The following MACROD2 variants were observed in gnomAD, a reference collection of about 807,000 sequenced individuals.
The protein encoded by MACROD2 is ADP-ribose glycohydrolase MACROD2.
MACROD2 carries 36 observed loss-of-function variants against 70.4 expected under a neutral mutation model. The ratio of observed to expected loss-of-function variants is 0.51; its 90% CI spans 0.39 to 0.68. MACROD2 has a LOEUF of 0.68. Ranked by LOEUF, MACROD2 falls within the 30% of genes least tolerant of loss-of-function variation. The pLI, the probability that MACROD2 is intolerant of heterozygous loss-of-function variation, is 0.00. For missense variants in MACROD2, 496 were observed against 538.4 expected (o/e 0.92, Z 0.78); for synonymous variants, 172 against 178.8 (o/e 0.96, Z 0.30).
chr20:14,932,849 A>G (rs2074308156), intron 5 of MACROD2, among the ~76,000 whole-genome samples: 1 of 152,138 alleles, frequency 6.6e-6, no homozygotes, highest in East Asian at 1.9e-4. Flanking sequence ...TACAGGGATG[A>G]ACCACGGCGC....
At chr20:14,964,092 T>C (rs1016178731) in intron 5 of MACROD2, among the ~76,000 whole-genome samples, 1 of 152,090 alleles carries the variant, frequency 6.6e-6, no homozygotes, top group African/African-American at 2.4e-5. Flanking sequence ...TTTTTTCTTC[T>C]CTGTATAACA....
chr20:15,867,413 G>C (rs1276012413), intron 9 of MACROD2, among the ~76,000 whole-genome samples: 1 of 152,114 alleles, frequency 6.6e-6, no homozygotes, highest in Non-Finnish European at 1.5e-5. Context: ...AAGCACATTT[G>C]ACTTTTTCCT....
intron 9 of MACROD2, among the ~76,000 whole-genome samples, chr20:15,869,238 T>TATAG: frequency 0.017 from 487 of 28,304 alleles, 11 homozygotes; most frequent in Non-Finnish European, 0.028. Context: ...TATATATATA[T>TATAG]AGAGAGAGAG....
intron 2 of MACROD2, among the ~76,000 whole-genome samples, chr20:14,015,075 T>C (rs1236830843): frequency 6.6e-6 from 1 of 151,692 alleles, no homozygotes; most frequent in East Asian, 1.9e-4. Flanking sequence ...GTATTACAAG[T>C]GTGAGCCACT....
intron 3 of MACROD2, among the ~76,000 whole-genome samples, chr20:14,422,516 AT>A (rs373848071): frequency 1.9e-4 from 29 of 150,476 alleles, no homozygotes; most frequent in Admixed American, 7.9e-4. Context: ...TGTTCAATTG[AT>A]TTTTTTTTGT....
intron 8 of MACROD2, among the ~76,000 whole-genome samples, chr20:15,558,020 C>T (rs1292838139): frequency 6.6e-6 from 1 of 152,166 alleles, no homozygotes; most frequent in African/African-American, 2.4e-5. Context: ...TTACTCAAAT[C>T]TCAATCAATC....
At position 14,938,940 on chromosome 20, in the gene MACROD2, AT is replaced by A. The variant is rs1230863391; in HGVS notation, c.418+254003del. 2.5e-3 allele frequency among the ~76,000 whole-genome samples: 218 copies of A among 86,466 alleles called. 2 individuals carry two copies. Among genetic ancestry groups the A allele is most frequent in the East Asian group, 6.6e-3 (21 of 3,188 alleles). 56.7% of individuals were successfully genotyped at this position (86,466 alleles called of 152,430 possible). A position where few individuals can be genotyped will look rare whatever the true frequency, so the allele number is the denominator to read the frequency against. ...GATATTTTTTTCATTGTTAAATCAGATTTTTTTTTTTTTTTTTTTTTTACTA... is the reference window on the plus strand; with the variant it reads ...GATATTTTTTTCATTGTTAAATCAGATTTTTTTTTTTTTTTTTTTTTACTA... On this transcript the variant is annotated intron_variant, in intron 5 of 17. Transcript: ENST00000684519.
chr20:14,876,495 T>C (rs1374443442), intron 5 of MACROD2, among the ~76,000 whole-genome samples: 2 of 152,116 alleles, frequency 1.3e-5, no homozygotes, highest in Non-Finnish European at 2.9e-5. Flanking sequence ...TCAATTTTTG[T>C]TTTAGTAGCA....
At chr20:15,938,224 C>A (rs1459470076) in intron 12 of MACROD2, among the ~76,000 whole-genome samples, 2 of 152,106 alleles carry the variant, frequency 1.3e-5, no homozygotes, top group African/African-American at 4.8e-5. Flanking sequence ...GGTTCATTGG[C>A]AAGTCCCCAG....
intron 5 of MACROD2, among the ~76,000 whole-genome samples, chr20:14,845,227 A>G (rs2122289671): frequency 6.6e-6 from 1 of 152,224 alleles, no homozygotes; most frequent in South Asian, 2.1e-4. Context: ...TTCTTTGAGG[A>G]CAGGTTCTAT....
chr20:15,293,499 CAACTA>C (rs1438176765), intron 6 of MACROD2, among the ~76,000 whole-genome samples: 1 of 152,094 alleles, frequency 6.6e-6, no homozygotes, highest in African/African-American at 2.4e-5. Flanking sequence ...CAATCCAAAA[CAACTA>C]AACAAAAAAA....
chr20:15,598,642 G>T (rs922735377), intron 8 of MACROD2, among the ~76,000 whole-genome samples: 2 of 152,174 alleles, frequency 1.3e-5, no homozygotes, highest in African/African-American at 4.8e-5. Context: ...AATAGGGTTG[G>T]GTCAGGGCAT....
chr20:14,335,328 G>A (rs2082917256), intron 3 of MACROD2, among the ~76,000 whole-genome samples: 1 of 152,114 alleles, frequency 6.6e-6, no homozygotes, highest in African/African-American at 2.4e-5. Context: ...GAAGAAACTG[G>A]GGTAAAGATA....
intron 8 of MACROD2, among the ~76,000 whole-genome samples, chr20:15,658,210 CT>C (rs1253926799): frequency 4.1e-5 from 6 of 145,224 alleles, no homozygotes; most frequent in Non-Finnish European, 8.9e-5. Context: ...AAGCTTTTTT[CT>C]TTTCTCTCTC....
intron 3 of MACROD2, among the ~76,000 whole-genome samples, chr20:14,187,299 A>G (rs1555931823): frequency 6.6e-6 from 1 of 152,178 alleles, no homozygotes; most frequent in Non-Finnish European, 1.5e-5. Context: ...TGGAGAATCT[A>G]TTGAATCCCA....
chr20:15,352,231 A>G (rs1161640089), intron 6 of MACROD2, among the ~76,000 whole-genome samples: 1 of 152,148 alleles, frequency 6.6e-6, no homozygotes, highest in Non-Finnish European at 1.5e-5. Context: ...TGCAAGACCC[A>G]TTATTTCTCC....
chr20:15,367,843 G>A (rs1056985523), intron 6 of MACROD2, among the ~76,000 whole-genome samples: 3 of 151,974 alleles, frequency 2.0e-5, no homozygotes, highest in African/African-American at 7.2e-5. Flanking sequence ...AGCAATTTCA[G>A]TATTTTTTGT....
chr20:14,895,480 C>T (rs2073816548), intron 5 of MACROD2: 1 of 152,108 alleles, frequency 6.6e-6, no homozygotes, highest in African/African-American at 2.4e-5. Context: ...AGTAAATATC[C>T]ATATAACAAT....
chr20:15,710,600 T>C (rs2050612414), intron 8 of MACROD2, among the ~76,000 whole-genome samples: 1 of 152,210 alleles, frequency 6.6e-6, no homozygotes, highest in Non-Finnish European at 1.5e-5. Context: ...ATCAAGTGTT[T>C]ATGGGCGTGA....
Sources: gnomAD v4.1 joint callset for allele counts (sites outside exome capture counted in the v4.1 genomes callset) on GRCh38, gnomAD v4.1.1 for gene constraint, MANE v1.5 for transcripts, NCBI Gene and HGNC (gene_info 2026-07-23, HGNC 2026-07-21) for gene names.